The following METTL15 variants were observed in gnomAD, a reference collection of about 807,000 sequenced individuals.
The protein encoded by METTL15 is methyltransferase 15, mitochondrial 12S rRNA N4-cytidine, also known as 12S rRNA N(4)-cytidine methyltransferase METTL15.
In METTL15, 34 loss-of-function variants were observed where a neutral mutation model predicts 38.3. The observed-to-expected ratio is 0.89, with a 90% CI of 0.68 to 1.18. METTL15 has a LOEUF of 1.18. Ranked by LOEUF, METTL15 falls within the 50% of genes most tolerant of loss-of-function variation. The pLI is 0.00. For synonymous variants in METTL15, 162 were observed against 170.9 expected (o/e 0.95, Z 0.41); for missense variants, 438 against 498.4 (o/e 0.88, Z 1.15).
chr11:28,114,695 C>G (rs1280028197), intron 3 of METTL15, among the ~76,000 whole-genome samples: 1 of 152,188 alleles, frequency 6.6e-6, no homozygotes, highest in Non-Finnish European at 1.5e-5. Flanking sequence ...AGGTGATCCT[C>G]CTGCCTTGGC....
intron 3 of METTL15, among the ~76,000 whole-genome samples, chr11:28,135,566 T>C (rs12275080): frequency 0.016 from 2,439 of 152,330 alleles, 29 homozygotes; most frequent in African/African-American, 0.045. Flanking sequence ...CAAGCCATGC[T>C]TGATTCCTTA....
chr11:28,206,418 A>T (rs1224589165), intron 3 of METTL15, among the ~76,000 whole-genome samples: 5 of 152,052 alleles, frequency 3.3e-5, no homozygotes, highest in African/African-American at 1.2e-4. Context: ...AGATGGTTGT[A>T]GATGTATGGT....
chr11:28,425,300 G>T (rs138216790), intron 6 of METTL15, among the ~76,000 whole-genome samples: 47 of 152,252 alleles, frequency 3.1e-4, no homozygotes, highest in African/African-American at 1.1e-3. Context: ...TCATATTACT[G>T]CCTTCTTTAA....
chr11:28,182,160 C>T (rs1474633961), intron 3 of METTL15, among the ~76,000 whole-genome samples: 1 of 151,956 alleles, frequency 6.6e-6, no homozygotes, highest in Non-Finnish European at 1.5e-5. Flanking sequence ...GGATATTAGT[C>T]ATTTGTCAGA....
chr11:28,415,184 A>G (rs1206504708), intron 5 of METTL15, among the ~76,000 whole-genome samples: 1 of 152,202 alleles, frequency 6.6e-6, no homozygotes, highest in Non-Finnish European at 1.5e-5. Context: ...CAAGGGAGAA[A>G]TGGTTTTCTG....
intron 6 of METTL15, among the ~76,000 whole-genome samples, chr11:28,488,746 C>T (rs1048873050): frequency 6.6e-6 from 1 of 152,106 alleles, no homozygotes; most frequent in Non-Finnish European, 1.5e-5. Flanking sequence ...CACCCAGATA[C>T]CTCAACTGAT....
chr11:28,280,126 T>C (rs1855998418), intron 4 of METTL15, among the ~76,000 whole-genome samples: 1 of 152,198 alleles, frequency 6.6e-6, no homozygotes. Context: ...TACCATATAC[T>C]TACACTTTCC....
intron 6 of METTL15, among the ~76,000 whole-genome samples, chr11:28,434,175 G>C (rs1232394701): frequency 6.6e-6 from 1 of 152,050 alleles, no homozygotes; most frequent in East Asian, 1.9e-4. Context: ...ACGAGATCTG[G>C]TGGTTTTATA....
chr11:28,372,620 C>CT (rs1260914634), intron 5 of METTL15, among the ~76,000 whole-genome samples: 10 of 148,822 alleles, frequency 6.7e-5, no homozygotes, highest in African/African-American at 1.2e-4. Context: ...TTTTTTTTTC[C>CT]TTTTTTTTAT....
At position 28,131,169 on chromosome 11, in the gene METTL15, A is replaced by G. The variant is rs769241304; in HGVS notation, c.270+17565A>G. On this transcript the variant is annotated intron_variant, in intron 3 of 6. Coordinates refer to ENST00000407364, the MANE Select transcript of METTL15 (RefSeq NM_001113528.2). Reference sequence around the variant, plus strand: ...AAAGAAGGCACAGAGCAATATGTCGATTAGACCCAAGGAGAAAGCTTCTAT... The same window carrying G: ...AAAGAAGGCACAGAGCAATATGTCGGTTAGACCCAAGGAGAAAGCTTCTAT... 2.3e-4 allele frequency among the ~76,000 whole-genome samples: 35 copies of G among 152,282 alleles called. 2 individuals carry two copies. In the South Asian group the frequency reaches 2.7e-3, roughly 12 times the overall value.
intron 4 of METTL15, among the ~76,000 whole-genome samples, chr11:28,238,339 G>A (rs1039132082): frequency 4.6e-5 from 7 of 152,266 alleles, no homozygotes; most frequent in South Asian, 2.1e-4. Flanking sequence ...CCTGGCTGCC[G>A]CCTTGCAGTT....
chr11:28,204,436 T>A (rs901532785), intron 3 of METTL15, among the ~76,000 whole-genome samples: 1 of 11,486 alleles, frequency 8.7e-5, no homozygotes, highest in African/African-American at 4.9e-4. Context: ...TGAGTTTTCC[T>A]TTTTTTTTTT....
chr11:28,382,400 T>C (rs1477063802), intron 5 of METTL15, among the ~76,000 whole-genome samples: 2 of 152,168 alleles, frequency 1.3e-5, no homozygotes, highest in East Asian at 3.9e-4. Context: ...GCGAGGCAGG[T>C]ATCCCATGAA....
chr11:28,168,966 T>C (rs1331075997), intron 3 of METTL15, among the ~76,000 whole-genome samples: 1 of 152,010 alleles, frequency 6.6e-6, no homozygotes. Flanking sequence ...TGGGCCACAG[T>C]AGGAATTTGG....
intron 5 of METTL15, among the ~76,000 whole-genome samples, chr11:28,372,311 C>T (rs1850252328): frequency 6.6e-6 from 1 of 151,996 alleles, no homozygotes. Flanking sequence ...CTCGTTGCAT[C>T]CCTGGGAAGA....
At chr11:28,376,125 G>GA (rs1230207963) in intron 5 of METTL15, among the ~76,000 whole-genome samples, 16 of 151,530 alleles carry the variant, frequency 1.1e-4, no homozygotes, top group African/African-American at 3.6e-4. Context: ...GTGTGGTGCT[G>GA]AAAAAAATGT....
intron 5 of METTL15, among the ~76,000 whole-genome samples, chr11:28,372,008 G>A (rs974271513): frequency 3.3e-5 from 5 of 151,844 alleles, no homozygotes; most frequent in Non-Finnish European, 5.9e-5. Flanking sequence ...TTTCTAGTGA[G>A]AACTTACAGT....
At chr11:28,393,477 G>T (rs1226167346) in intron 5 of METTL15, among the ~76,000 whole-genome samples, 3 of 152,104 alleles carry the variant, frequency 2.0e-5, no homozygotes, top group Non-Finnish European at 4.4e-5. Context: ...CTGGCTTGGT[G>T]TTGATGTTAG....
intron 3 of METTL15, among the ~76,000 whole-genome samples, chr11:28,133,606 C>T (rs1849412199): frequency 6.6e-6 from 1 of 152,112 alleles, no homozygotes; most frequent in African/African-American, 2.4e-5. Flanking sequence ...ATTTTGGCTT[C>T]TTCCATGCTG....
Sources: allele counts gnomAD v4.1 joint callset (sites outside exome capture counted in the v4.1 genomes callset), GRCh38; gene constraint gnomAD v4.1.1; transcripts MANE v1.5; gene names NCBI Gene and HGNC (gene_info 2026-07-23, HGNC 2026-07-21).